The following DDX10 variants were observed in gnomAD, a reference collection of about 807,000 sequenced individuals.
DDX10 encodes the protein DEAD-box helicase 10.
Under a neutral mutation model 104.3 loss-of-function variants are expected in DDX10, and 74 were observed. The ratio of observed to expected loss-of-function variants is 0.71; its 90% CI spans 0.59 to 0.86. The LOEUF (loss-of-function observed/expected upper bound fraction) is 0.86. DDX10 is among the 40% of genes least tolerant of loss of function. The probability of loss-of-function intolerance (pLI) is 0.00; values close to 1 mark genes in which losing one functional copy is unlikely to be tolerated. For synonymous variants in DDX10, 351 were observed against 353.4 expected, an observed-to-expected ratio of 0.99 and a Z score of 0.08; for missense variants, 952 against 1,040.0, an observed-to-expected ratio of 0.92 and a Z score of 1.16.
chr11:108,887,959 T>TCCCC lies in DDX10; in HGVS notation c.2305-29910_2305-29907dup, dbSNP rs79322968. Among the ~76,000 whole-genome samples, 20 of 151,526 alleles carry TCCCC rather than the reference T, an allele frequency of 1.3e-4. No homozygotes were observed. The East Asian group carries it at 2.5e-3, about 19-fold the overall frequency. On this transcript the variant is annotated intron_variant, in intron 16 of 17. Coordinates refer to ENST00000322536, the MANE Select transcript of DDX10 (RefSeq NM_004398.4). ...AAAAAGAAAAGAAATACAGCTTTTT[T>TCCCC]CCCCCCCACTTTCTAGTTACTAAAT...
At chr11:108,847,829 G>A (rs879299534) in intron 15 of DDX10, among the ~76,000 whole-genome samples, 7 of 152,184 alleles carry the variant, frequency 4.6e-5, no homozygotes, top group Admixed American at 3.9e-4. Flanking sequence ...AAATCAGTGA[G>A]CTAGCATCAT....
chr11:108,826,431 G>A (rs1862396664), intron 13 of DDX10, among the ~76,000 whole-genome samples: 1 of 152,064 alleles, frequency 6.6e-6, no homozygotes, highest in Non-Finnish European at 1.5e-5. Flanking sequence ...AGGCATAAGG[G>A]CACACCATGA....
chr11:108,814,679 T>C (rs1378097964), intron 13 of DDX10, among the ~76,000 whole-genome samples: 2 of 152,222 alleles, frequency 1.3e-5, no homozygotes, highest in East Asian at 3.9e-4. Context: ...ACTTTTGGAA[T>C]GACTCTATCT....
At chr11:108,744,180 G>A (rs1451924675) in intron 13 of DDX10, among the ~76,000 whole-genome samples, 1 of 152,060 alleles carries the variant, frequency 6.6e-6, no homozygotes, top group Admixed American at 6.6e-5. Flanking sequence ...AGTTTTCTAG[G>A]ACTCCCTCAT....
chr11:108,846,885 C>T (rs1232680595), intron 15 of DDX10, among the ~76,000 whole-genome samples: 1 of 151,858 alleles, frequency 6.6e-6, no homozygotes, highest in East Asian at 1.9e-4. Context: ...GGGAGTAGAA[C>T]TCAAGCTGCC....
chr11:108,675,669 A>G lies in DDX10; in HGVS notation c.321A>G (p.Lys107=), dbSNP rs2094223932. The G allele has an allele frequency of 5.0e-6, 8 of 1,614,220 alleles. No individual in the cohort carries two copies. Among genetic ancestry groups the G allele is most frequent in the Non-Finnish European group, 5.1e-6 (6 of 1,180,030 alleles). Reference sequence around the variant, plus strand: ...CCATTGGATTGGCTTTGCAAGGTAAAGATGTACTTGGAGCGGCCAAAACTG... The same window carrying G: ...CCATTGGATTGGCTTTGCAAGGTAAGGATGTACTTGGAGCGGCCAAAACTG... ...KQTIGLALQG[K]DVLGAAKTGS... is the part of the protein sequence containing the mutation. The change falls in exon 3 of 18, where the codon AAA becomes AAG. Residue 107 remains lysine, a synonymous_variant. Transcript: ENST00000322536.
intron 13 of DDX10, among the ~76,000 whole-genome samples, chr11:108,746,247 T>C (rs2094331745): frequency 6.6e-6 from 1 of 152,112 alleles, no homozygotes; most frequent in South Asian, 2.1e-4. Context: ...TATATATAGA[T>C]TTACTTATTC....
chr11:108,827,978 T>C (rs1185116907), intron 13 of DDX10, among the ~76,000 whole-genome samples: 1 of 152,208 alleles, frequency 6.6e-6, no homozygotes, highest in African/African-American at 2.4e-5. Flanking sequence ...AGTTCAGTAG[T>C]GTTAAGTGCA....
chr11:108,920,525 A>C (rs1863809742), intron 17 of DDX10: 1 of 152,220 alleles, frequency 6.6e-6, no homozygotes, highest in Non-Finnish European at 1.5e-5. Context: ...GTCTAATCTT[A>C]TAGCCTCCTT....
At chr11:108,721,736 A>T (rs1314336688) in intron 12 of DDX10, among the ~76,000 whole-genome samples, 1 of 152,248 alleles carries the variant, frequency 6.6e-6, no homozygotes, top group Non-Finnish European at 1.5e-5. Context: ...TGTAAGATAT[A>T]TTAAAGGTTT....
intron 16 of DDX10, among the ~76,000 whole-genome samples, chr11:108,863,417 G>A (rs1862965700): frequency 6.6e-6 from 1 of 152,024 alleles, no homozygotes; most frequent in Non-Finnish European, 1.5e-5. Context: ...AAGTGCAGTT[G>A]TTTTATTTTA....
intron 13 of DDX10, among the ~76,000 whole-genome samples, chr11:108,795,351 C>T (rs1861926972): frequency 6.7e-6 from 1 of 149,432 alleles, no homozygotes; most frequent in African/African-American, 2.5e-5. Context: ...TACATGTGCA[C>T]AACATGCACA....
intron 16 of DDX10, among the ~76,000 whole-genome samples, chr11:108,888,819 A>G (rs972543505): frequency 2.0e-5 from 3 of 152,092 alleles, no homozygotes; most frequent in Non-Finnish European, 4.4e-5. Context: ...AAAGCTAACC[A>G]ATAGACCCTG....
chr11:108,796,778 T>G (rs555383342), intron 13 of DDX10, among the ~76,000 whole-genome samples: 5 of 152,274 alleles, frequency 3.3e-5, no homozygotes, highest in Admixed American at 2.6e-4. Context: ...GTGGGACCTT[T>G]AAGAGGTGTT....
intron 16 of DDX10, among the ~76,000 whole-genome samples, chr11:108,863,597 A>T (rs1430066706): frequency 1.3e-5 from 2 of 152,204 alleles, no homozygotes; most frequent in Non-Finnish European, 1.5e-5. Flanking sequence ...TATTATCGGA[A>T]GGCTTCAGCC....
chr11:108,763,407 T>G (rs1267897977), intron 13 of DDX10, among the ~76,000 whole-genome samples: 2 of 152,166 alleles, frequency 1.3e-5, no homozygotes, highest in African/African-American at 4.8e-5. Context: ...CAAAAGGTAT[T>G]CTATTACTAG....
intron 16 of DDX10, among the ~76,000 whole-genome samples, chr11:108,888,855 A>G (rs1863337735): frequency 6.6e-6 from 1 of 151,954 alleles, no homozygotes; most frequent in Admixed American, 6.6e-5. Context: ...GTTGAAATCT[A>G]TTTTTCTGCA....
chr11:108,804,563 G>A (rs1337317354), intron 13 of DDX10, among the ~76,000 whole-genome samples: 1 of 151,102 alleles, frequency 6.6e-6, no homozygotes, highest in Non-Finnish European at 1.5e-5. Context: ...GAAAACACGT[G>A]TTTATTATCT....
chr11:108,720,224 G>GAA, intron 12 of DDX10, among the ~76,000 whole-genome samples: 1 of 152,206 alleles, frequency 6.6e-6, no homozygotes, highest in Non-Finnish European at 1.5e-5. Context: ...TAATCAGGGA[G>GAA]CAGTTTATTA....
Sources: allele counts gnomAD v4.1 joint callset (sites outside exome capture counted in the v4.1 genomes callset), GRCh38; gene constraint gnomAD v4.1.1; transcripts MANE v1.5; gene names NCBI Gene and HGNC (gene_info 2026-07-23, HGNC 2026-07-21).